The following PCBP2 variants were observed in gnomAD, a reference collection of about 807,000 sequenced individuals.
The protein encoded by PCBP2 is poly(rC) binding protein 2.
Under a neutral mutation model 50.1 loss-of-function variants are expected in PCBP2, and 4 were observed. The ratio of observed to expected loss-of-function variants is 0.08; its 90% CI spans 0.04 to 0.18. The LOEUF is 0.18. Ranked by LOEUF, PCBP2 falls within the 10% of genes least tolerant of loss-of-function variation. The pLI is 1.00. For synonymous variants in PCBP2, 179 were observed against 168.0 expected, an observed-to-expected ratio of 1.07 and a Z score of -0.51; for missense variants, 161 against 474.3, an observed-to-expected ratio of 0.34 and a Z score of 6.14.
intron 12 of PCBP2, 75 bp from the exon 13 acceptor site, chr12:53,468,698 CTTCT>C (rs1263284692): frequency 7.5e-6 from 8 of 1,070,114 alleles, no homozygotes; most frequent in Non-Finnish European, 1.2e-5. Flanking sequence ...AGTTTATTTC[CTTCT>C]GTTAGTTTAA....
rs555850634 is a variant in PCBP2 at position 53,471,123 on chromosome 12, T to C, written c.883-515T>C. ...AAGAGTTGAGTTTTTTGATCAAAAG[T>C]GTATGAGTAAAGGGTGTAGGATGAA... is the stretch of plus-strand genomic sequence containing the variant. On this transcript the variant is annotated intron_variant, in intron 13 of 14. Coordinates refer to ENST00000546463, the MANE Select transcript of PCBP2 (RefSeq NM_031989.5). Among the ~76,000 whole-genome samples the C allele has an allele frequency of 4.0e-5, 6 of 151,860 alleles. No individual in the cohort carries two copies. In the East Asian group the frequency reaches 1.2e-3, roughly 29 times the overall value.
chr12:53,475,847 A>G (rs369708781), intron 14 of PCBP2: 1 of 152,234 alleles, frequency 6.6e-6, no homozygotes, highest in Non-Finnish European at 1.5e-5. Flanking sequence ...ATTGGCAACA[A>G]GCTTCACTAG....
intron 13 of PCBP2, among the ~76,000 whole-genome samples, chr12:53,470,773 T>TTC (rs1555208029): frequency 5.3e-5 from 8 of 151,098 alleles, no homozygotes; most frequent in African/African-American, 1.5e-4. Flanking sequence ...TTTTTTTTTT[T>TTC]CCACCTTTTC....
intron 14 of PCBP2, among the ~76,000 whole-genome samples, chr12:53,472,737 T>C (rs962565139): frequency 2.0e-5 from 3 of 152,214 alleles, no homozygotes; most frequent in Non-Finnish European, 2.9e-5. Flanking sequence ...ATTGTGCTTG[T>C]ACTGACCATG....
At chr12:53,465,693 A>C (rs983662943) in intron 9 of PCBP2, among the ~76,000 whole-genome samples, 1 of 152,140 alleles carries the variant, frequency 6.6e-6, no homozygotes, top group Non-Finnish European at 1.5e-5. Flanking sequence ...TTTGCCTTTG[A>C]TTGCAGGGAA....
In PCBP2 at chr12:53,479,778, A is replaced by G. The variant is rs1349660887; in HGVS notation, c.*336A>G. On this transcript the variant is annotated 3_prime_UTR_variant, in exon 15 of 15. Coordinates refer to ENST00000546463, the MANE Select transcript of PCBP2 (RefSeq NM_031989.5). ...GTAATGTCAGGAATTTTTCAAAAAA[A>G]TTAAAAGATGGACTGGAGCTTTTTC... 5.4e-6 allele frequency: 1 copy of G among 186,512 alleles called. No homozygotes were observed. Among genetic ancestry groups the G allele is most frequent in the Admixed American group, 6.0e-5 (1 of 16,678 alleles). The allele number at this position is 186,512 out of a possible 1,614,324, so 11.6% of individuals were successfully genotyped here. A position where few individuals can be genotyped will look rare whatever the true frequency, so the allele number is the denominator to read the frequency against.
chr12:53,465,672 GT>G (rs1163054611), intron 9 of PCBP2, among the ~76,000 whole-genome samples: 3 of 152,130 alleles, frequency 2.0e-5, no homozygotes, highest in African/African-American at 7.2e-5. Context: ...TTAAGAAACA[GT>G]TATGTATATT....
chr12:53,479,671 G>GTTTTTTTTTTTTTTTGGT lies in PCBP2; in HGVS notation c.*241_*242insTTTGGTTTTTTTTTTTTT, dbSNP rs879244280. On this transcript the variant is annotated 3_prime_UTR_variant, in exon 15 of 15. Coordinates refer to ENST00000546463, the MANE Select transcript of PCBP2 (RefSeq NM_031989.5). ...ATTTAGTTTTATAAGCTTCTCCCTGGTTTTTTTTTTTTGGCTCATGAATTT... is the reference window on the plus strand; with the variant it reads ...ATTTAGTTTTATAAGCTTCTCCCTGGTTTTTTTTTTTTTTTGGTTTTTTTTTTTTTGGCTCATGAATTT... 0.012 allele frequency: 2,392 copies of GTTTTTTTTTTTTTTTGGT among 204,656 alleles called. 5 individuals are homozygous for GTTTTTTTTTTTTTTTGGT. Among genetic ancestry groups the GTTTTTTTTTTTTTTTGGT allele is most frequent in the Middle Eastern group, 0.023 (14 of 622 alleles). The allele number at this position is 204,656 out of a possible 1,614,324, so 12.7% of individuals were successfully genotyped here. A position where few individuals can be genotyped will look rare whatever the true frequency, so the allele number is the denominator to read the frequency against.
At chr12:53,462,108 T>A (rs1941492496) in intron 7 of PCBP2, among the ~76,000 whole-genome samples, 1 of 152,220 alleles carries the variant, frequency 6.6e-6, no homozygotes, top group African/African-American at 2.4e-5. Flanking sequence ...AACACTTGAG[T>A]ACTTTATTTG....
In PCBP2 at chr12:53,455,384, A is replaced by G; in HGVS notation, c.93+14A>G. The G allele has an allele frequency of 1.2e-6, 2 of 1,614,064 alleles. No individual in the cohort carries two copies. The highest frequency in any genetic ancestry group is 8.5e-7 in the Non-Finnish European group (1 of 1,179,918). The stretch of plus-strand genomic sequence containing the variant: ...ATCATCGGAAAGGTAAGACAATTTC[A>G]CTTCAACTTCAATTACCATTTAGTA... On this transcript the variant is annotated intron_variant, in intron 3 of 14. Coordinates refer to ENST00000546463, the MANE Select transcript of PCBP2 (RefSeq NM_031989.5).
At chr12:53,464,643 GCTC>G in intron 8 of PCBP2, 114 bp from the exon 9 acceptor site, 1 of 1,371,298 alleles carries the variant, frequency 7.3e-7, no homozygotes, top group Non-Finnish European at 9.8e-7. Flanking sequence ...TTGTGTCTGA[GCTC>G]CTTTTTAAAG....
chr12:53,456,520 A>G (rs1299441896), intron 5 of PCBP2, among the ~76,000 whole-genome samples: 1 of 152,062 alleles, frequency 6.6e-6, no homozygotes, highest in African/African-American at 2.4e-5. Context: ...GACTTAATAT[A>G]AATAATTTGC....
At chr12:53,466,780 A>G (rs1343449328) in intron 10 of PCBP2, among the ~76,000 whole-genome samples, 1 of 152,040 alleles carries the variant, frequency 6.6e-6, no homozygotes, top group Non-Finnish European at 1.5e-5. Flanking sequence ...TCCTCCTTGC[A>G]GTCTCCCTGC....
chr12:53,468,492 C>G (rs931338726), intron 12 of PCBP2: 2 of 442,388 alleles, frequency 4.5e-6, no homozygotes, highest in Non-Finnish European at 8.1e-6. Context: ...TTTGAGGATA[C>G]CACACTCCCT....
At chr12:53,455,836 C>T (rs1384713420) in intron 4 of PCBP2, 49 bp from the exon 5 acceptor site, 3 of 1,246,418 alleles carry the variant, frequency 2.4e-6, no homozygotes, top group Non-Finnish European at 3.5e-6. Flanking sequence ...CCTGTACATA[C>T]TCAGATCTTC....
chr12:53,458,937 G>A (rs1941246869), intron 5 of PCBP2, among the ~76,000 whole-genome samples: 1 of 152,150 alleles, frequency 6.6e-6, no homozygotes, highest in Non-Finnish European at 1.5e-5. Context: ...ACCGTGCCTG[G>A]CAGTATTTGA....
chr12:53,473,297 A>G (rs1397073959), intron 14 of PCBP2, among the ~76,000 whole-genome samples: 1 of 151,076 alleles, frequency 6.6e-6, no homozygotes, highest in Non-Finnish European at 1.5e-5. Flanking sequence ...GTTGGCAAGG[A>G]TGGCCTCGAT....
At chr12:53,464,921 G>A (rs924295619) in intron 9 of PCBP2, 69 bp downstream of exon 9, 15 of 1,497,310 alleles carry the variant, frequency 1.0e-5, no homozygotes, top group Non-Finnish European at 1.2e-5. Context: ...GCCAACACAC[G>A]GGGGGCCAGT....
chr12:53,480,436 C>T lies in PCBP2; in HGVS notation c.*994C>T, dbSNP rs935226368. 6.6e-6 allele frequency: 1 copy of T among 152,522 alleles called. No homozygotes were observed. Among genetic ancestry groups the T allele is most frequent in the African/African-American group, 2.4e-5 (1 of 41,406 alleles). 9.4% of individuals were successfully genotyped at this position (152,522 alleles called of 1,614,324 possible). ...CTCAGATAAAGTCCGGAGCCCAAGGCTTTATCTTAACCATGTATGGTACCC... is the reference window on the plus strand; with the variant it reads ...CTCAGATAAAGTCCGGAGCCCAAGGTTTTATCTTAACCATGTATGGTACCC... On this transcript the variant is annotated 3_prime_UTR_variant, in exon 15 of 15. Transcript: ENST00000546463.
Sources: allele counts gnomAD v4.1 joint callset (sites outside exome capture counted in the v4.1 genomes callset), GRCh38; gene constraint gnomAD v4.1.1; transcripts MANE v1.5; gene names NCBI Gene and HGNC (gene_info 2026-07-23, HGNC 2026-07-21).